Variants in PIGN observed in about 807,000 individuals in gnomAD.
The protein encoded by PIGN is GPI ethanolamine phosphate transferase 1.
In PIGN, 117 loss-of-function variants were observed where a neutral mutation model predicts 125.4. The observed-to-expected ratio is 0.93, with a 90% CI of 0.80 to 1.09. PIGN has a LOEUF of 1.09. Ranked by LOEUF, PIGN falls within the 50% of genes least tolerant of loss-of-function variation. PIGN has a pLI of 0.00. For missense variants in PIGN, 1,075 were observed against 1,094.9 expected (o/e 0.98, Z 0.26); for synonymous variants, 392 against 377.8 (o/e 1.04, Z -0.44).
Position 62,138,197 on chromosome 18 carries a change from G to T in PIGN, c.1172+46C>A, listed in dbSNP as rs1033614102. 6.5e-6 allele frequency: 10 copies of T among 1,536,166 alleles called. No individual in the cohort carries two copies. In the African/African-American group the frequency reaches 1.3e-4, roughly 19 times the overall value. On this transcript the variant is annotated intron_variant, in intron 14 of 30. Coordinates refer to ENST00000640252, the MANE Select transcript of PIGN (RefSeq NM_176787.5). ...CTCAGTGAAAAATTGCAAACTCAGTGGAAAATTCTTTCCTTCAAGTTAATA... is the reference window on the plus strand; with the variant it reads ...CTCAGTGAAAAATTGCAAACTCAGTTGAAAATTCTTTCCTTCAAGTTAATA...
rs367924910 is a variant in PIGN at position 62,105,625 on chromosome 18, G to C, written c.1777C>G (p.Leu593Val). 4 of 1,540,602 alleles carry C rather than the reference G, an allele frequency of 2.6e-6. No homozygotes were observed. Among genetic ancestry groups the C allele is most frequent in the Non-Finnish European group, 3.5e-6 (4 of 1,142,156 alleles). The change falls in exon 20 of 31, where the codon CTG becomes GTG. Residue 593 changes from leucine to valine, a missense_variant. Leu to Val is a conservative substitution (Grantham distance 32, BLOSUM62 1). Coordinates refer to ENST00000640252, the MANE Select transcript of PIGN (RefSeq NM_176787.5). ...AGCAAAGAGAAGAAAGTCCAACTCA[G>C]TGAGGTCATCTAAAATCAAGAAAAA... Reference protein sequence around the residue: ...RLWTRAKMTSLSWTFFSLLLA... With the variant: ...RLWTRAKMTSVSWTFFSLLLA...
At chr18:62,077,885 G>C (rs544330087) in intron 28 of PIGN, among the ~76,000 whole-genome samples, 1 of 152,260 alleles carries the variant, frequency 6.6e-6, no homozygotes, top group South Asian at 2.1e-4. Flanking sequence ...GAGCAGCATC[G>C]GTCTTATTTG....
rs2030469881 is a variant in PIGN at position 62,043,756 on chromosome 18, T to C, written c.*2100A>G. The stretch of plus-strand genomic sequence containing the variant: ...TCATGGGCCCTCTAAGATGATAGCA[T>C]GGCCTTTTTTTGGTTCAATATTTTC... On this transcript the variant is annotated 3_prime_UTR_variant, in exon 31 of 31. Coordinates refer to ENST00000640252, the MANE Select transcript of PIGN (RefSeq NM_176787.5). 1 of 152,192 alleles carries C rather than the reference T, an allele frequency of 6.6e-6. No individual in the cohort carries two copies. Among genetic ancestry groups the C allele is most frequent in the Admixed American group, 6.5e-5 (1 of 15,286 alleles). 9.4% of individuals were successfully genotyped at this position (152,192 alleles called of 1,614,324 possible). A position where few individuals can be genotyped will look rare whatever the true frequency, so the allele number is the denominator to read the frequency against.
downstream of PIGN, among the ~76,000 whole-genome samples, chr18:62,040,048 G>C (rs1167994151): frequency 1.9e-5 from 2 of 106,512 alleles, no homozygotes; most frequent in Non-Finnish European, 3.7e-5. Flanking sequence ...CCCATCCAGA[G>C]TGCCGCACCC....
intron 22 of PIGN, among the ~76,000 whole-genome samples, chr18:62,096,516 C>CTTTTTTTTTTTTTTTTTTTTTTTT (rs398033140): frequency 1.2e-5 from 1 of 85,668 alleles, no homozygotes; most frequent in Non-Finnish European, 2.0e-5. Flanking sequence ...GAATTATTTT[C>CTTTTTTTTTTTTTTTTTTTTTTTT]TTTTTTTTTT....
chr18:62,035,119 T>C (rs1237182618), intron 23 of PIGN, among the ~76,000 whole-genome samples: 2 of 152,138 alleles, frequency 1.3e-5, no homozygotes, highest in Non-Finnish European at 2.9e-5. Flanking sequence ...CACATGCTTT[T>C]TTTGCCTGCC....
At chr18:62,116,618 G>C (rs555281602) in intron 14 of PIGN, among the ~76,000 whole-genome samples, 20 of 152,312 alleles carry the variant, frequency 1.3e-4, no homozygotes, top group African/African-American at 4.8e-4. Context: ...ACTTCAGTTA[G>C]TGGTCTAATG....
chr18:62,164,802 G>T (rs115539143), intron 1 of PIGN, among the ~76,000 whole-genome samples: 1 of 152,166 alleles, frequency 6.6e-6, no homozygotes, highest in African/African-American at 2.4e-5. Flanking sequence ...AGATTGTAGT[G>T]GGTAAAGAAA....
At chr18:62,093,567 T>G (rs1187652387) in intron 23 of PIGN, among the ~76,000 whole-genome samples, 1 of 152,078 alleles carries the variant, frequency 6.6e-6, no homozygotes, top group Non-Finnish European at 1.5e-5. Context: ...AGGGAAATGT[T>G]TAACCAACTT....
chr18:62,123,517 A>G (rs1256803724), intron 14 of PIGN: 1 of 152,206 alleles, frequency 6.6e-6, no homozygotes, highest in African/African-American at 2.4e-5. Flanking sequence ...CATTTATTCC[A>G]TAGACCAAAT....
At chr18:62,118,640 C>A (rs915895355) in intron 14 of PIGN, 1 of 152,118 alleles carries the variant, frequency 6.6e-6, no homozygotes, top group African/African-American at 2.4e-5. Flanking sequence ...GCTGCCAATG[C>A]AGCCAGAACT....
intron 30 of PIGN, among the ~76,000 whole-genome samples, chr18:62,059,910 T>C (rs1175961429): frequency 6.6e-6 from 1 of 152,368 alleles, no homozygotes; most frequent in East Asian, 1.9e-4. Flanking sequence ...TGCCATCACT[T>C]ACAGGTTAAA....
intron 30 of PIGN, among the ~76,000 whole-genome samples, chr18:62,063,435 A>T (rs2032316462): frequency 9.1e-6 from 1 of 109,344 alleles, no homozygotes; most frequent in Non-Finnish European, 2.0e-5. Flanking sequence ...GATTTTAGCC[A>T]AAATCTATGG....
intron 1 of PIGN, among the ~76,000 whole-genome samples, chr18:62,176,643 T>C (rs1389863361): frequency 6.6e-6 from 1 of 151,460 alleles, no homozygotes; most frequent in Non-Finnish European, 1.5e-5. Flanking sequence ...CTCAATCTAA[T>C]AATGGTAATA....
intron 23 of PIGN, chr18:62,017,761 A>G (rs917270443): frequency 1.3e-5 from 2 of 152,252 alleles, no homozygotes; most frequent in Admixed American, 6.5e-5. Flanking sequence ...TGGAGAAAAA[A>G]AAAAAAGCAT....
intron 28 of PIGN, among the ~76,000 whole-genome samples, chr18:62,080,748 A>G (rs1326647244): frequency 2.0e-5 from 3 of 152,206 alleles, no homozygotes; most frequent in African/African-American, 4.8e-5. Flanking sequence ...ATGGCATCAC[A>G]GAGTTATGGG....
downstream of PIGN, among the ~76,000 whole-genome samples, chr18:62,036,647 C>T (rs593785): frequency 0.91 from 139,237 of 152,234 alleles, 63,805 homozygotes; most frequent in African/African-American, 0.97. Context: ...GGTTTCATTC[C>T]ACTGGTTCTC....
At chr18:62,168,210 T>C (rs1009561544) in intron 1 of PIGN, among the ~76,000 whole-genome samples, 1 of 152,112 alleles carries the variant, frequency 6.6e-6, no homozygotes, top group Admixed American at 6.6e-5. Context: ...CTGATTAAGT[T>C]CAATTTACCA....
chr18:62,048,803 T>C (rs1479614036), intron 30 of PIGN, among the ~76,000 whole-genome samples: 1 of 150,874 alleles, frequency 6.6e-6, no homozygotes, highest in Non-Finnish European at 1.5e-5. Flanking sequence ...CTGCACCCAT[T>C]AACTCGTCAT....
Sources: gnomAD v4.1 joint callset for allele counts (sites outside exome capture counted in the v4.1 genomes callset) on GRCh38, gnomAD v4.1.1 for gene constraint, MANE v1.5 for transcripts, NCBI Gene and HGNC (gene_info 2026-07-23, HGNC 2026-07-21) for gene names.